The following UBR4 variants were observed in gnomAD, a reference collection of about 807,000 sequenced individuals.
The protein encoded by UBR4 is E3 ubiquitin-protein ligase UBR4.
A neutral mutation model predicts 575.6 loss-of-function variants in UBR4; 124 were observed. The observed-to-expected ratio is 0.22, with a 90% CI of 0.19 to 0.25. The LOEUF (loss-of-function observed/expected upper bound fraction) is 0.25, where lower values mean the gene tolerates loss of function less well. Among genes scored for constraint, UBR4 ranks in the 10% least tolerant of loss-of-function variants. The pLI is 1.00. For synonymous variants in UBR4, 2,455 were observed against 2,473.7 expected, an observed-to-expected ratio of 0.99 and a Z score of 0.22; for missense variants, 4,818 against 6,478.8, an observed-to-expected ratio of 0.74 and a Z score of 8.80.
intron 101 of UBR4, among the ~76,000 whole-genome samples, chr1:19,085,132 T>C (rs1299967336): frequency 2.0e-5 from 3 of 152,252 alleles, no homozygotes; most frequent in Non-Finnish European, 4.4e-5. Flanking sequence ...CCTATGTCAA[T>C]ACACATTCCC....
Position 19,093,235 on chromosome 1 carries a change from T to C in UBR4, c.14111+78A>G, listed in dbSNP as rs2077704391. On this transcript the variant is annotated intron_variant, in intron 96 of 105. Transcript: ENST00000375254. This position sits in a 1 kb window ranked among gnomAD's most constrained non-coding sequence, Gnocchi z 4.8. ...GGCAAGGGGCACACGTGAAGCTTTA[T>C]GCCAAGATGCTGATGGAGAAGGAAA... 5.2e-6 allele frequency: 8 copies of C among 1,546,990 alleles called. No individual in the cohort carries two copies. The highest frequency in any genetic ancestry group is 1.2e-5 in the South Asian group (1 of 81,180).
At chr1:19,087,747 G>A (rs990161147) in intron 99 of UBR4, 69 bp downstream of exon 99, 17 of 1,297,414 alleles carry the variant, frequency 1.3e-5, no homozygotes, top group Non-Finnish European at 1.6e-5. Flanking sequence ...GCCTGGAGGA[G>A]GGGGATGCTA....
At chr1:19,079,964 G>GACCAAATCAGCTTTTCCTGA in intron 103 of UBR4, 1 of 152,206 alleles carries the variant, frequency 6.6e-6, no homozygotes, top group African/African-American at 2.4e-5. Flanking sequence ...ATTAAGCTGT[G>GACCAAATCAGCTTTTCCTGA]ACCAAATCAG....
At chr1:19,081,072 T>C (rs1329977782) in intron 103 of UBR4, 1 of 365,350 alleles carries the variant, frequency 2.7e-6, no homozygotes, top group African/African-American at 2.0e-5. Flanking sequence ...TCATTGGTTT[T>C]ATCACCCTGT....
At chr1:19,079,171 A>G (rs1267807068) in intron 103 of UBR4, 2 of 152,250 alleles carry the variant, frequency 1.3e-5, no homozygotes, top group Non-Finnish European at 2.9e-5. Flanking sequence ...TATAGAAGCT[A>G]AAACTATATG....
At chr1:19,156,536 G>T (rs2086481221) in intron 41 of UBR4, 113 bp from the exon 42 acceptor site, 5 of 1,360,742 alleles carry the variant, frequency 3.7e-6, no homozygotes, top group Admixed American at 2.5e-5. Context: ...CCTTCAGACA[G>T]TATTTAGACT....
intron 60 of UBR4, among the ~76,000 whole-genome samples, chr1:19,131,927 G>A (rs768473401): frequency 5.9e-5 from 9 of 152,034 alleles, no homozygotes; most frequent in Non-Finnish European, 1.0e-4. Flanking sequence ...CCCAACCATG[G>A]TAAAATTAAA....
Position 19,076,926 on chromosome 1 carries a change from G to C in UBR4, c.15325-24C>G, listed in dbSNP as rs771927753. 2.0e-6 allele frequency: 3 copies of C among 1,528,732 alleles called. No homozygotes were observed. The African/African-American group carries it at 4.2e-5, about 21-fold the overall frequency. The allele number at this position is 1,528,732 out of a possible 1,614,324, so 94.7% of individuals were successfully genotyped here. ...TTCTACGAGAATCAACAGGAGACAAGAGAGGTGGGTGACTTACTGCTGCCT... is the reference window on the plus strand; with the variant it reads ...TTCTACGAGAATCAACAGGAGACAACAGAGGTGGGTGACTTACTGCTGCCT... On this transcript the variant is annotated intron_variant, in intron 104 of 105. Transcript: ENST00000375254.
chr1:19,166,675 C>T (rs1175927756), intron 29 of UBR4, among the ~76,000 whole-genome samples: 1 of 118,682 alleles, frequency 8.4e-6, no homozygotes, highest in African/African-American at 3.3e-5. Flanking sequence ...CTCAGGAGTT[C>T]AAGACCAGCC....
chr1:19,168,985 A>AAG (rs2089021423), intron 27 of UBR4, among the ~76,000 whole-genome samples: 1 of 151,898 alleles, frequency 6.6e-6, no homozygotes, highest in Admixed American at 6.6e-5. Context: ...CTCAAAAAAA[A>AAG]AAAAAAAGAA....
At position 19,186,734 on chromosome 1, in the gene UBR4, T is replaced by A. The variant is rs2091562186; in HGVS notation, c.1633-77A>T. On this transcript the variant is annotated intron_variant, in intron 13 of 105. Coordinates refer to ENST00000375254, the MANE Select transcript of UBR4 (RefSeq NM_020765.3). ...TCGCATGAAAACTTTCTCCATAATC[T>A]CTTTTATTTTTTCCTAAATCCAAGA... is the stretch of plus-strand genomic sequence containing the variant. 17 of 1,419,398 alleles carry A rather than the reference T, an allele frequency of 1.2e-5. No homozygotes were observed. The South Asian group carries it at 2.0e-4, about 16-fold the overall frequency. 87.9% of individuals were successfully genotyped at this position (1,419,398 alleles called of 1,614,324 possible).
intron 18 of UBR4, among the ~76,000 whole-genome samples, chr1:19,178,071 C>G (rs929133541): frequency 2.0e-5 from 3 of 152,140 alleles, no homozygotes; most frequent in Admixed American, 6.5e-5. Flanking sequence ...CAAGCTCCCC[C>G]ACAAAAATGT....
At chr1:19,164,506 G>A in intron 32 of UBR4, 65 bp from the exon 33 acceptor site, 1 of 1,517,530 alleles carries the variant, frequency 6.6e-7, no homozygotes, top group Non-Finnish European at 8.9e-7. Context: ...GTGTTATAAA[G>A]GAAGTTTTAA....
chr1:19,139,173 T>A lies in UBR4; in HGVS notation c.8641A>T (p.Thr2881Ser). ...EGSTAATDGS[T>S]LRTSPADHGG... is the part of the protein sequence containing the mutation. ...TGGTCAGCAGGAGAGGTCCGAAGGG[T>A]AGAACCATCTGTCGCTGCTGTACTG... The change falls in exon 59 of 106, where the codon ACC becomes TCC. Residue 2881 changes from threonine to serine, a missense_variant. Thr to Ser is a moderately conservative substitution (Grantham distance 58). This residue lies in a region of UBR4 where 57 missense variants were observed against 101.5 expected (regional missense o/e 0.56). Transcript: ENST00000375254. This position sits in a 1 kb window ranked among gnomAD's most constrained non-coding sequence, Gnocchi z 4.2. 1 of 1,613,856 alleles carries A rather than the reference T, an allele frequency of 6.2e-7. No homozygotes were observed. Among genetic ancestry groups the A allele is most frequent in the Non-Finnish European group, 8.5e-7 (1 of 1,179,898 alleles).
At chr1:19,081,806 T>C (rs1359070779) in intron 102 of UBR4, 1 of 700,080 alleles carries the variant, frequency 1.4e-6, no homozygotes. Context: ...CCTGGCCCCA[T>C]GTCTAGCTCC....
chr1:19,115,750 A>G (rs2080443679), intron 73 of UBR4, 113 bp from the exon 74 acceptor site: 1 of 1,476,450 alleles, frequency 6.8e-7, no homozygotes. Context: ...TTAAGTGGTT[A>G]CTCTAAGGAA....
At chr1:19,132,801 C>G (rs1269573830) in intron 60 of UBR4, among the ~76,000 whole-genome samples, 1 of 151,682 alleles carries the variant, frequency 6.6e-6, no homozygotes, top group African/African-American at 2.4e-5. Flanking sequence ...TACAGATTGT[C>G]AAGACATTAA....
chr1:19,138,295 C>T, intron 59 of UBR4, 114 bp from the exon 60 acceptor site: 2 of 1,156,898 alleles, frequency 1.7e-6, no homozygotes, highest in Admixed American at 3.0e-5. Context: ...TAGACAATAA[C>T]TGGTAGCATT....
chr1:19,195,104 C>CA (rs531082756), intron 8 of UBR4, among the ~76,000 whole-genome samples: 2,692 of 142,204 alleles, frequency 0.019, 27 homozygotes, highest in East Asian at 0.031. Flanking sequence ...ACTAAAAATA[C>CA]AAAAAAAAAA....
Sources: allele counts gnomAD v4.1 joint callset (sites outside exome capture counted in the v4.1 genomes callset), GRCh38; gene constraint gnomAD v4.1.1; regional missense constraint gnomAD v4.1.1; non-coding constraint Gnocchi (gnomAD v3.1); transcripts MANE v1.5; gene names NCBI Gene and HGNC (gene_info 2026-07-23, HGNC 2026-07-21).